Variants in ST18 observed in about 807,000 individuals in gnomAD.
The protein encoded by ST18 is suppression of tumorigenicity 18 protein.
Under a neutral mutation model 110.0 loss-of-function variants are expected in ST18, and 50 were observed. The observed-to-expected ratio is 0.45, with a 90% confidence interval of 0.36 to 0.58. The LOEUF is 0.58. Ranked by LOEUF, ST18 falls within the 20% of genes least tolerant of loss-of-function variation. The pLI is 0.00. For synonymous variants in ST18, 461 were observed against 452.4 expected (o/e 1.02, Z -0.24); for missense variants, 1,306 against 1,280.1 (o/e 1.02, Z -0.31).
chr8:52,379,219 C>G (rs893914661), intron 2 of ST18, among the ~76,000 whole-genome samples: 1 of 151,558 alleles, frequency 6.6e-6, no homozygotes, highest in African/African-American at 2.4e-5. Context: ...TGCCTCAGCC[C>G]CCCGAGTAGC....
chr8:52,313,727 G>A (rs1331044393), intron 2 of ST18, among the ~76,000 whole-genome samples: 3 of 152,154 alleles, frequency 2.0e-5, no homozygotes, highest in African/African-American at 4.8e-5. Context: ...CATTGGGTAA[G>A]CACTGAGACC....
In ST18 at chr8:52,305,236, G is replaced by A. The variant is rs113640319; in HGVS notation, c.-464-75159C>T. Among the ~76,000 whole-genome samples, 1,377 of 152,318 alleles carry A rather than the reference G, an allele frequency of 9.0e-3. 11 individuals carry two copies. The highest frequency in any genetic ancestry group is 0.025 in the South Asian group (121 of 4,824). On this transcript the variant is annotated intron_variant, in intron 2 of 25. Coordinates refer to ENST00000689386, the MANE Select transcript of ST18 (RefSeq NM_001352837.2). ...ACAGTAAATGGAAGCATTTAATAGA[G>A]TAGGTCATGCCCTCCTTTGGAAAAA...
At chr8:52,132,221 G>C in intron 21 of ST18, 42 bp from the exon 22 acceptor site, 1 of 1,539,462 alleles carries the variant, frequency 6.5e-7, no homozygotes, top group Non-Finnish European at 8.8e-7. Flanking sequence ...GAAGAAGGCA[G>C]TGATAGTCCT....
chr8:52,394,575 A>T (rs765275977), intron 2 of ST18, among the ~76,000 whole-genome samples: 3 of 152,106 alleles, frequency 2.0e-5, no homozygotes, highest in Admixed American at 1.3e-4. Context: ...TTATCCTAGT[A>T]ATTCCTATGC....
intron 2 of ST18, among the ~76,000 whole-genome samples, chr8:52,396,251 T>C (rs1590687454): frequency 6.6e-6 from 1 of 152,212 alleles, no homozygotes; most frequent in Admixed American, 6.5e-5. Flanking sequence ...ATTCTACATA[T>C]GACTACTTTA....
chr8:52,147,820 T>C (rs1038373427), intron 16 of ST18, among the ~76,000 whole-genome samples: 16 of 152,212 alleles, frequency 1.1e-4, no homozygotes, highest in Admixed American at 9.8e-4. Flanking sequence ...AGCAGTGGCC[T>C]GGCTGGAGAT....
intron 2 of ST18, among the ~76,000 whole-genome samples, chr8:52,381,967 TAA>T (rs33953466): frequency 2.1e-5 from 1 of 47,320 alleles, no homozygotes; most frequent in Middle Eastern, 0.015. Flanking sequence ...TATGCTGCAT[TAA>T]AAAACAAAAA....
chr8:52,289,438 T>C (rs2095520226), intron 2 of ST18, among the ~76,000 whole-genome samples: 1 of 152,084 alleles, frequency 6.6e-6, no homozygotes, highest in Admixed American at 6.6e-5. Flanking sequence ...CGGGGACAGA[T>C]CAGGACTCTG....
chr8:52,303,230 C>T (rs757753524), intron 2 of ST18, among the ~76,000 whole-genome samples: 1 of 152,250 alleles, frequency 6.6e-6, no homozygotes, highest in Non-Finnish European at 1.5e-5. Flanking sequence ...GGGAAGGACA[C>T]TGCCTTGCCA....
At chr8:52,152,466 G>T (rs1485366525) in intron 15 of ST18, among the ~76,000 whole-genome samples, 1 of 152,120 alleles carries the variant, frequency 6.6e-6, no homozygotes, top group Non-Finnish European at 1.5e-5. Flanking sequence ...TCAATGTAAA[G>T]TTCTCTTGGG....
At chr8:52,171,000 C>T (rs1036240058) in intron 10 of ST18, among the ~76,000 whole-genome samples, 7 of 152,096 alleles carry the variant, frequency 4.6e-5, no homozygotes, top group African/African-American at 1.4e-4. Flanking sequence ...TCTCGGGTTT[C>T]AGAGATACCA....
chr8:52,296,811 A>G (rs1233775964), intron 2 of ST18, among the ~76,000 whole-genome samples: 1 of 152,192 alleles, frequency 6.6e-6, no homozygotes. Context: ...CTACAGATAA[A>G]TCTCGCATGC....
chr8:52,389,373 C>T (rs1437945091), intron 2 of ST18, among the ~76,000 whole-genome samples: 1 of 152,188 alleles, frequency 6.6e-6, no homozygotes, highest in East Asian at 1.9e-4. Flanking sequence ...GCTCCAGAGA[C>T]TGCCTGGAGG....
At chr8:52,207,362 C>T (rs958004228) in intron 8 of ST18, among the ~76,000 whole-genome samples, 2 of 152,176 alleles carry the variant, frequency 1.3e-5, no homozygotes, top group South Asian at 4.2e-4. Context: ...TGTGGTGGCG[C>T]GTGCCTGTAG....
chr8:52,179,819 T>C (rs4460394), intron 9 of ST18, among the ~76,000 whole-genome samples: 1 of 151,986 alleles, frequency 6.6e-6, no homozygotes, highest in Non-Finnish European at 1.5e-5. Context: ...GAAAAAGTAC[T>C]CTTCAACTCT....
At chr8:52,252,019 A>AT in intron 2 of ST18, among the ~76,000 whole-genome samples, 1 of 152,112 alleles carries the variant, frequency 6.6e-6, no homozygotes, top group South Asian at 2.1e-4. Context: ...CGCAAGTTAT[A>AT]TTTTTTTGAT....
chr8:52,329,662 G>A (rs1365024864), intron 2 of ST18, among the ~76,000 whole-genome samples: 1 of 152,126 alleles, frequency 6.6e-6, no homozygotes, highest in Non-Finnish European at 1.5e-5. Context: ...GGCTGAGGCA[G>A]AAGAATTGCT....
chr8:52,340,994 T>C (rs183069813), intron 2 of ST18, among the ~76,000 whole-genome samples: 144 of 152,262 alleles, frequency 9.5e-4, no homozygotes, highest in African/African-American at 3.3e-3. Context: ...GGGCCAAAAG[T>C]GTGAAAATAC....
chr8:52,384,705 G>C (rs554815782), intron 2 of ST18, among the ~76,000 whole-genome samples: 2 of 152,152 alleles, frequency 1.3e-5, no homozygotes, highest in East Asian at 3.9e-4. Context: ...CGGTAGAGAT[G>C]TCTCGGCTGC....
Sources: gnomAD v4.1 joint callset for allele counts (sites outside exome capture counted in the v4.1 genomes callset) on GRCh38, gnomAD v4.1.1 for gene constraint, MANE v1.5 for transcripts, NCBI Gene and HGNC (gene_info 2026-07-23, HGNC 2026-07-21) for gene names.